The following SLX9 variants were observed in gnomAD, a reference collection of about 807,000 sequenced individuals.
The protein encoded by SLX9 is ribosome biogenesis protein SLX9 homolog.
A neutral mutation model predicts 20.8 loss-of-function variants in SLX9; 19 were observed. The observed-to-expected ratio is 0.91, with a 90% CI of 0.64 to 1.34. The LOEUF is 1.34. Among genes scored for constraint, SLX9 ranks in the 40% most tolerant of loss-of-function variants. The pLI is 0.00. For synonymous variants in SLX9, 113 were observed against 137.1 expected (o/e 0.82, Z 1.23); for missense variants, 299 against 322.2 (o/e 0.93, Z 0.55).
intron 2 of SLX9, among the ~76,000 whole-genome samples, chr21:44,952,281 G>A (rs967577675): frequency 6.6e-6 from 1 of 152,228 alleles, no homozygotes; most frequent in Admixed American, 6.5e-5. Context: ...GCTCGCCCCC[G>A]GGAAGCTCAG....
chr21:44,939,849 C>T, upstream of SLX9: 2 of 577,534 alleles, frequency 3.5e-6, no homozygotes, highest in Non-Finnish European at 6.1e-6. Context: ...CCACCCGCGT[C>T]CTCCGGTCTG....
At chr21:44,948,647 A>T (rs1033310568) in intron 2 of SLX9, among the ~76,000 whole-genome samples, 10 of 151,850 alleles carry the variant, frequency 6.6e-5, no homozygotes, top group Middle Eastern at 3.2e-3. Context: ...CTGGAGAGGG[A>T]GCTCACAGCA....
intron 4 of SLX9, among the ~76,000 whole-genome samples, chr21:44,971,807 C>A (rs374650299): frequency 6.6e-5 from 10 of 152,276 alleles, no homozygotes; most frequent in African/African-American, 2.2e-4. Context: ...GGTCGGCTGG[C>A]CAGGGGGGCA....
chr21:44,962,715 G>A (rs1217104650), intron 3 of SLX9, among the ~76,000 whole-genome samples: 1 of 152,188 alleles, frequency 6.6e-6, no homozygotes, highest in Non-Finnish European at 1.5e-5. Context: ...TAGGGTAGGT[G>A]TATGTTTAGT....
chr21:44,957,358 G>T (rs77327353), intron 2 of SLX9, among the ~76,000 whole-genome samples: 2,818 of 152,312 alleles, frequency 0.019, 85 homozygotes, highest in African/African-American at 0.064. Context: ...GTCCCCACAC[G>T]CTGCTCGTGA....
At chr21:44,970,523 G>A (rs1370915390) in intron 4 of SLX9, among the ~76,000 whole-genome samples, 2 of 152,232 alleles carry the variant, frequency 1.3e-5, no homozygotes, top group Non-Finnish European at 2.9e-5. Context: ...TGCAGGAGGT[G>A]TGAGACCCTG....
chr21:44,972,004 G>A (rs1243546054), intron 4 of SLX9, among the ~76,000 whole-genome samples: 1 of 152,212 alleles, frequency 6.6e-6, no homozygotes, highest in Non-Finnish European at 1.5e-5. Context: ...CCAGATCAGC[G>A]CAGAGCTAGG....
Position 44,943,683 on chromosome 21 carries a change from G to T in SLX9, c.130-1G>T. The T allele has an allele frequency of 1.9e-6, 3 of 1,614,002 alleles. No individual in the cohort carries two copies. Among genetic ancestry groups the T allele is most frequent in the Non-Finnish European group, 2.5e-6 (3 of 1,179,896 alleles). On this transcript the variant is annotated splice_acceptor_variant, in intron 1 of 5. Transcript: ENST00000291634. LOFTEE classifies it high-confidence loss of function. The stretch of plus-strand genomic sequence containing the variant: ...TCGTCCGTTTTTGTTGGGGACATTA[G>T]GACTGGGCGTTCATCAACACCAACA...
upstream of SLX9, chr21:44,939,930 C>A (rs527743092): frequency 1.4e-5 from 14 of 1,025,230 alleles, no homozygotes; most frequent in Non-Finnish European, 1.8e-5. Context: ...CCCGCCCGAG[C>A]CGCTTCCGGG....
At chr21:44,955,179 G>A (rs1938492307) in intron 2 of SLX9, among the ~76,000 whole-genome samples, 1 of 149,568 alleles carries the variant, frequency 6.7e-6, no homozygotes, top group East Asian at 2.0e-4. Flanking sequence ...CTGCGCTCCA[G>A]CCTGGGCGAC....
At chr21:44,956,936 C>T (rs910508607) in intron 2 of SLX9, among the ~76,000 whole-genome samples, 5 of 152,382 alleles carry the variant, frequency 3.3e-5, no homozygotes, top group South Asian at 4.1e-4. Flanking sequence ...CAGGCAGCAC[C>T]GTGGCAGCTG....
intron 3 of SLX9, among the ~76,000 whole-genome samples, chr21:44,966,258 C>G (rs2085032166): frequency 1.3e-5 from 2 of 152,088 alleles, no homozygotes; most frequent in Admixed American, 1.3e-4. Flanking sequence ...GTTGTCACCT[C>G]TGGAAACCTG....
At chr21:44,965,851 C>G (rs1332010558) in intron 3 of SLX9, among the ~76,000 whole-genome samples, 1 of 152,200 alleles carries the variant, frequency 6.6e-6, no homozygotes, top group East Asian at 1.9e-4. Flanking sequence ...TGGCCCGCCC[C>G]TCCCTACCCC....
At chr21:44,947,915 G>A (rs949077787) in intron 2 of SLX9, among the ~76,000 whole-genome samples, 4 of 152,322 alleles carry the variant, frequency 2.6e-5, no homozygotes, top group Middle Eastern at 3.4e-3. Context: ...ACCCCATGTC[G>A]GGGCTACAGC....
In SLX9 at chr21:44,943,607, C is replaced by A. The variant is rs1019467484; in HGVS notation, c.130-77C>A. ...AGGTTCTTGTCTTGCATCTTCTCCT[C>A]ACCTTTAACGTCCCTCTGAAACCAC... On this transcript the variant is annotated intron_variant, in intron 1 of 5. Transcript: ENST00000291634. 1.9e-6 allele frequency: 3 copies of A among 1,565,204 alleles called. No homozygotes were observed. The African/African-American group carries it at 4.1e-5, about 21-fold the overall frequency.
rs1038092436 is a variant in SLX9 at position 44,953,495 on chromosome 21, C to A, written c.284-6605C>A. Among the ~76,000 whole-genome samples, 4 of 151,952 alleles carry A rather than the reference C, an allele frequency of 2.6e-5. No homozygotes were observed. In the East Asian group the frequency reaches 7.8e-4, roughly 30 times the overall value. The stretch of plus-strand genomic sequence containing the variant: ...CCTCGGGAGCCTGTCCTGCACCATC[C>A]CCGGCGGTGGGGCCCTGCATCCGGG... On this transcript the variant is annotated intron_variant, in intron 2 of 5. Transcript: ENST00000291634.
chr21:44,953,993 C>T lies in SLX9; in HGVS notation c.284-6107C>T, dbSNP rs140334389. Among the ~76,000 whole-genome samples, 100 of 152,312 alleles carry T rather than the reference C, an allele frequency of 6.6e-4. No individual in the cohort carries two copies. The Middle Eastern group carries it at 0.014, about 21-fold the overall frequency. ...TGCTTCTCCATTCTTAGGCCTTTGA[C>T]GTGTTTCTCTTGCCTTGTTACCCTG... On this transcript the variant is annotated intron_variant, in intron 2 of 5. Transcript: ENST00000291634.
intron 3 of SLX9, among the ~76,000 whole-genome samples, chr21:44,960,604 T>C (rs1409120387): frequency 6.6e-6 from 1 of 152,268 alleles, no homozygotes; most frequent in East Asian, 1.9e-4. Flanking sequence ...CAGTGGTATG[T>C]GAAATCCTTC....
chr21:44,942,585 A>C (rs1019035442), intron 1 of SLX9, among the ~76,000 whole-genome samples: 1 of 152,168 alleles, frequency 6.6e-6, no homozygotes, highest in African/African-American at 2.4e-5. Flanking sequence ...CTCTACCTTC[A>C]AGGTTTTTAG....
Sources: allele counts gnomAD v4.1 joint callset (sites outside exome capture counted in the v4.1 genomes callset), GRCh38; gene constraint gnomAD v4.1.1; transcripts MANE v1.5; gene names NCBI Gene and HGNC (gene_info 2026-07-23, HGNC 2026-07-21).